Variants in CENPS observed in about 807,000 individuals in gnomAD.
The protein encoded by CENPS is FANCM associated histone fold protein 1.
In CENPS, 16 loss-of-function variants were observed where a neutral mutation model predicts 17.9. The ratio of observed to expected loss-of-function variants is 0.90; its 90% CI spans 0.61 to 1.36. The LOEUF (loss-of-function observed/expected upper bound fraction) is 1.36. CENPS is among the 40% of genes most tolerant of loss of function. The pLI is 0.00. For missense variants in CENPS, 160 were observed against 158.6 expected (o/e 1.01, Z -0.05); for synonymous variants, 49 against 55.8 (o/e 0.88, Z 0.54).
At chr1:10,432,153 T>C (rs1356237170) in intron 1 of CENPS, among the ~76,000 whole-genome samples, 1 of 151,988 alleles carries the variant, frequency 6.6e-6, no homozygotes, top group Non-Finnish European at 1.5e-5. Context: ...AGTGGCTCCA[T>C]CTCGCCTCAC....
Position 10,440,429 on chromosome 1 carries a change from C to A in CENPS, c.276+16C>A, listed in dbSNP as rs746449480. ...TAATTCACTGGTGAGAGATGAATTT[C>A]TTTCCTCACTCCCCTTTCCCATCGG... On this transcript the variant is annotated intron_variant, in intron 4 of 4. Transcript: ENST00000309048. 6.2e-7 allele frequency: 1 copy of A among 1,613,432 alleles called. No homozygotes were observed. The highest frequency in any genetic ancestry group is 1.1e-5 in the South Asian group (1 of 90,834).
rs74225520 is a variant in CENPS at position 10,439,796 on chromosome 1, G to A, written c.210-551G>A. Among the ~76,000 whole-genome samples the A allele has an allele frequency of 4.9e-4, 74 of 152,242 alleles. No individual in the cohort carries two copies. The East Asian group carries it at 0.012, about 25-fold the overall frequency. ...TTGTTCTACCTGGGTTATTGCGGAG[G>A]GAATGCATTAACTACTTGTTGGGAA... On this transcript the variant is annotated intron_variant, in intron 3 of 4. Transcript: ENST00000309048.
At chr1:10,440,243 T>G in intron 3 of CENPS, 104 bp from the exon 4 acceptor site, 4 of 1,438,268 alleles carry the variant, frequency 2.8e-6, no homozygotes, top group Non-Finnish European at 3.7e-6. Context: ...ATGGGCTACT[T>G]AGAGATCCCT....
chr1:10,433,847 A>G lies in CENPS; in HGVS notation c.57A>G (p.Leu19=). 6.2e-7 allele frequency: 1 copy of G among 1,614,150 alleles called. No individual in the cohort carries two copies. Among genetic ancestry groups the G allele is most frequent in the Non-Finnish European group, 8.5e-7 (1 of 1,180,002 alleles). The change falls in exon 2 of 5, where the codon CTA becomes CTG. Residue 19 remains leucine, a synonymous_variant. Transcript: ENST00000309048. ...ATTTTGATGTTTTTCCCCAGAGGCT[A>G]AAGGCAGCAGTTCACTATACTGTGG... ...EQQRFSYQQR[L]KAAVHYTVGC...
intron 3 of CENPS, 124 bp from the exon 4 acceptor site, chr1:10,440,223 A>T: frequency 7.8e-7 from 1 of 1,288,462 alleles, no homozygotes; most frequent in South Asian, 1.6e-5. Context: ...AATGCCCTTT[A>T]TCTAAAAGGA....
intron 3 of CENPS, among the ~76,000 whole-genome samples, chr1:10,439,348 T>G (rs1199757027): frequency 6.6e-6 from 1 of 152,204 alleles, no homozygotes; most frequent in Non-Finnish European, 1.5e-5. Context: ...TAATATATTA[T>G]TGAATCGAGC....
intron 3 of CENPS, among the ~76,000 whole-genome samples, chr1:10,439,857 TGTTAA>T (rs1036933365): frequency 2.0e-5 from 3 of 152,208 alleles, no homozygotes; most frequent in South Asian, 2.1e-4. Flanking sequence ...TGCTTTTTCC[TGTTAA>T]GTTAGCCCTT....
At chr1:10,435,375 C>G (rs1640104071) in intron 3 of CENPS, among the ~76,000 whole-genome samples, 1 of 152,014 alleles carries the variant, frequency 6.6e-6, no homozygotes, top group Admixed American at 6.6e-5. Flanking sequence ...TCCCACACCC[C>G]TTACTTTTCA....
chr1:10,437,645 C>T (rs1173953312), intron 3 of CENPS, among the ~76,000 whole-genome samples: 3 of 151,050 alleles, frequency 2.0e-5, no homozygotes, highest in Non-Finnish European at 2.9e-5. Context: ...TTAGTAAAGA[C>T]GGGGTTTCAC....
intron 1 of CENPS, among the ~76,000 whole-genome samples, 164 bp from the exon 2 acceptor site, chr1:10,433,678 G>A (rs1640022647): frequency 6.6e-6 from 1 of 152,148 alleles, no homozygotes; most frequent in South Asian, 2.1e-4. Context: ...GCACTCCAGT[G>A]GGTCTCATTA....
intron 1 of CENPS, chr1:10,431,480 C>A: frequency 6.9e-7 from 1 of 1,454,034 alleles, no homozygotes; most frequent in South Asian, 1.2e-5. Flanking sequence ...TGCTTCCCTC[C>A]CAGCCCCGCG....
chr1:10,437,117 G>A (rs1013676841), intron 3 of CENPS, among the ~76,000 whole-genome samples: 3 of 152,072 alleles, frequency 2.0e-5, no homozygotes, highest in African/African-American at 4.8e-5. Context: ...ATGAGTATTC[G>A]TAACATTGTT....
chr1:10,436,270 C>T (rs772079206), intron 3 of CENPS, among the ~76,000 whole-genome samples: 2 of 151,344 alleles, frequency 1.3e-5, no homozygotes, highest in Non-Finnish European at 2.9e-5. Flanking sequence ...TGAGCCACCG[C>T]GCCCGGCAAA....
chr1:10,436,455 A>G (rs1166988701), intron 3 of CENPS, among the ~76,000 whole-genome samples: 3 of 150,990 alleles, frequency 2.0e-5, no homozygotes, highest in Non-Finnish European at 4.4e-5. Context: ...TAATCCTAGC[A>G]CTTTGGGAGG....
intron 1 of CENPS, 173 bp downstream of exon 1, chr1:10,430,741 C>A: frequency 7.1e-7 from 1 of 1,404,234 alleles, no homozygotes; most frequent in Non-Finnish European, 9.2e-7. Context: ...AGGCGGTTTC[C>A]GCGGCAACGC....
intron 4 of CENPS, among the ~76,000 whole-genome samples, chr1:10,441,643 T>TTTG (rs1640417976): frequency 3.1e-5 from 3 of 98,062 alleles, no homozygotes; most frequent in Non-Finnish European, 4.1e-5. Context: ...TTTTTTTTTT[T>TTTG]GAGATGGAGT....
intron 2 of CENPS, 84 bp downstream of exon 2, chr1:10,434,049 G>T: frequency 6.3e-7 from 1 of 1,585,646 alleles, no homozygotes. Context: ...TGGGAGCTGT[G>T]GCGAGTCTGA....
chr1:10,435,503 A>G (rs538036539), intron 3 of CENPS, among the ~76,000 whole-genome samples: 4 of 151,346 alleles, frequency 2.6e-5, no homozygotes, highest in African/African-American at 4.9e-5. Flanking sequence ...GTCCCTGAAA[A>G]CCGCTTAGCA....
intron 1 of CENPS, chr1:10,431,324 A>G: frequency 6.5e-7 from 1 of 1,535,256 alleles, no homozygotes; most frequent in Non-Finnish European, 8.7e-7. Flanking sequence ...CTCTCTACAA[A>G]GTTACACTGC....
Sources: gnomAD v4.1 joint callset for allele counts (sites outside exome capture counted in the v4.1 genomes callset) on GRCh38, gnomAD v4.1.1 for gene constraint, MANE v1.5 for transcripts, NCBI Gene and HGNC (gene_info 2026-07-23, HGNC 2026-07-21) for gene names.